The following TENT4B variants were observed in gnomAD, a reference collection of about 807,000 sequenced individuals.
TENT4B encodes PAP associated domain containing 5.
TENT4B carries 10 observed loss-of-function variants against 75.0 expected under a neutral mutation model. The ratio of observed to expected loss-of-function variants is 0.13; its 90% confidence interval spans 0.08 to 0.23. The LOEUF (loss-of-function observed/expected upper bound fraction) is 0.23. TENT4B is among the 10% of genes least tolerant of loss of function. The probability of loss-of-function intolerance (pLI) is 1.00; values close to 1 mark genes in which losing one functional copy is unlikely to be tolerated. For missense variants in TENT4B, 579 were observed against 893.8 expected (o/e 0.65, Z 4.49); for synonymous variants, 350 against 357.7 (o/e 0.98, Z 0.24).
At chr16:50,179,208 C>CA (rs2038364859) in intron 1 of TENT4B, among the ~76,000 whole-genome samples, 1 of 151,988 alleles carries the variant, frequency 6.6e-6, no homozygotes, top group Admixed American at 6.6e-5. Flanking sequence ...ACTAAAAATA[C>CA]AAAATTAGCC....
rs370305431 is a variant in TENT4B at position 50,231,397 on chromosome 16, CTA to C, written c.*2071_*2072del. The C allele has an allele frequency of 3.1e-4, 307 of 983,380 alleles. 1 individual carries two copies. In the East Asian group the frequency reaches 0.015, roughly 48 times the overall value. The allele number at this position is 983,380 out of a possible 1,614,324, so 60.9% of individuals were successfully genotyped here. A position where few individuals can be genotyped will look rare whatever the true frequency, so the allele number is the denominator to read the frequency against. On this transcript the variant is annotated 3_prime_UTR_variant, in exon 12 of 12. Coordinates refer to ENST00000561678, the MANE Select transcript of TENT4B (RefSeq NM_001365324.3). ...TAATATTAAATCCAGTATTAGCTGCCTATTTCAGACACTTAATACTTGCAGAG... is the reference window on the plus strand; with the variant it reads ...TAATATTAAATCCAGTATTAGCTGCCTTTCAGACACTTAATACTTGCAGAG...
chr16:50,210,676 G>A (rs755055235), intron 1 of TENT4B, among the ~76,000 whole-genome samples: 1 of 152,128 alleles, frequency 6.6e-6, no homozygotes, highest in Non-Finnish European at 1.5e-5. Context: ...TGCCACAGGG[G>A]GAAAGCTTGA....
At chr16:50,204,227 A>T (rs552641594) in intron 1 of TENT4B, among the ~76,000 whole-genome samples, 2 of 152,196 alleles carry the variant, frequency 1.3e-5, no homozygotes, top group Non-Finnish European at 2.9e-5. Context: ...GGAGGCTGCC[A>T]TAGTGTTCTA....
intron 1 of TENT4B, among the ~76,000 whole-genome samples, chr16:50,196,488 TATCATCATCATCATC>T (rs10536148): frequency 6.0e-5 from 9 of 149,742 alleles, no homozygotes; most frequent in African/African-American, 1.2e-4. Context: ...AGTTTATCAT[TATCATCATCATCATC>T]ATCATCATCA....
Position 50,233,986 on chromosome 16 carries a change from C to G in TENT4B, c.*4658C>G. On this transcript the variant is annotated 3_prime_UTR_variant, in exon 12 of 12. Transcript: ENST00000561678. ...TCTCTAGTTCCACATTTTAACTTAA[C>G]GTCTTTGTGGCTTCACCACTGAGCT... 2.0e-6 allele frequency: 2 copies of G among 985,468 alleles called. No homozygotes were observed. The highest frequency in any genetic ancestry group is 2.4e-6 in the Non-Finnish European group (2 of 829,942). 61.0% of individuals were successfully genotyped at this position (985,468 alleles called of 1,614,324 possible). A position where few individuals can be genotyped will look rare whatever the true frequency, so the allele number is the denominator to read the frequency against.
At position 50,231,300 on chromosome 16, in the gene TENT4B, G is replaced by A. The variant is rs1210122041; in HGVS notation, c.*1972G>A. 2.0e-6 allele frequency: 2 copies of A among 984,124 alleles called. No homozygotes were observed. Among genetic ancestry groups the A allele is most frequent in the East Asian group, 1.1e-4 (1 of 8,824 alleles). 61.0% of individuals were successfully genotyped at this position (984,124 alleles called of 1,614,324 possible). On this transcript the variant is annotated 3_prime_UTR_variant, in exon 12 of 12. Coordinates refer to ENST00000561678, the MANE Select transcript of TENT4B (RefSeq NM_001365324.3). ...TGTCATAACATTGTGCATAATCACA[G>A]TATTTATTTTCTAGGACAATTGTGA...
At chr16:50,175,461 A>G (rs540749905) in intron 1 of TENT4B, among the ~76,000 whole-genome samples, 29 of 152,134 alleles carry the variant, frequency 1.9e-4, no homozygotes, top group African/African-American at 5.8e-4. Flanking sequence ...GTTAATTTTT[A>G]TGTGAAAGAT....
At chr16:50,153,108 T>C (rs2037792497), upstream of TENT4B, 4 of 1,208,006 alleles carry the variant, frequency 3.3e-6, no homozygotes, top group African/African-American at 6.6e-5. Flanking sequence ...CCGCGGCCTC[T>C]GTGACGCACG....
chr16:50,154,535 C>A (rs1325589352), intron 1 of TENT4B, among the ~76,000 whole-genome samples: 1 of 151,414 alleles, frequency 6.6e-6, no homozygotes, highest in Admixed American at 6.6e-5. Flanking sequence ...TTCCCCAGGC[C>A]CCCCCCTTTA....
chr16:50,210,029 T>C (rs548410653), intron 1 of TENT4B, among the ~76,000 whole-genome samples: 1 of 152,230 alleles, frequency 6.6e-6, no homozygotes, highest in South Asian at 2.1e-4. Context: ...TGGCTGCCCT[T>C]CCTTACCACT....
At chr16:50,214,611 G>A (rs1021758374) in intron 3 of TENT4B, among the ~76,000 whole-genome samples, 2 of 152,096 alleles carry the variant, frequency 1.3e-5, no homozygotes, top group East Asian at 1.9e-4. Context: ...AGCCGAGATC[G>A]CGCCACTGCA....
chr16:50,228,145 C>A, intron 11 of TENT4B, 142 bp downstream of exon 11: 3 of 1,031,338 alleles, frequency 2.9e-6, no homozygotes, highest in Non-Finnish European at 4.2e-6. Flanking sequence ...GGTTCCAACA[C>A]ATGACAGTGC....
chr16:50,171,875 G>C (rs909537197), intron 1 of TENT4B, among the ~76,000 whole-genome samples: 6 of 152,158 alleles, frequency 3.9e-5, no homozygotes, highest in Non-Finnish European at 8.8e-5. Flanking sequence ...TGAAGCCAGA[G>C]AATTGCTTGA....
Sources: gnomAD v4.1 joint callset for allele counts (sites outside exome capture counted in the v4.1 genomes callset) on GRCh38, gnomAD v4.1.1 for gene constraint, MANE v1.5 for transcripts, NCBI Gene and HGNC (gene_info 2026-07-23, HGNC 2026-07-21) for gene names.